MEI1: variants seen among roughly 807,000 people sequenced by gnomAD.
MEI1 encodes the protein meiosis inhibitor protein 1.
Under a neutral mutation model 146.2 loss-of-function variants are expected in MEI1, and 103 were observed. That is an observed-to-expected ratio of 0.70 (90% CI 0.60 to 0.83). MEI1 has a LOEUF of 0.83. Among genes scored for constraint, MEI1 ranks in the 40% least tolerant of loss-of-function variants. The pLI, the probability that MEI1 is intolerant of heterozygous loss-of-function variation, is 0.00. For synonymous variants in MEI1, 652 were observed against 628.2 expected (o/e 1.04, Z -0.57); for missense variants, 1,529 against 1,533.0 (o/e 1.00, Z 0.04).
At chr22:41,786,503 C>G (rs1020075349) in intron 26 of MEI1, among the ~76,000 whole-genome samples, 2 of 152,246 alleles carry the variant, frequency 1.3e-5, no homozygotes, top group African/African-American at 4.8e-5. Context: ...GCATTCCTCA[C>G]TGTCAGCTTT....
chr22:41,701,971 A>C (rs1028816287), intron 1 of MEI1, among the ~76,000 whole-genome samples: 3 of 152,166 alleles, frequency 2.0e-5, no homozygotes, highest in Admixed American at 2.0e-4. Flanking sequence ...AAACCCAGCT[A>C]AGGAGCTTGA....
chr22:41,718,010 G>A, intron 5 of MEI1, 61 bp from the exon 6 acceptor site: 3 of 1,319,164 alleles, frequency 2.3e-6, no homozygotes, highest in Non-Finnish European at 3.2e-6. Flanking sequence ...ATAGATTGGA[G>A]TTTCATATAG....
chr22:41,780,428 C>T (rs1245225515), intron 22 of MEI1, among the ~76,000 whole-genome samples: 1 of 151,748 alleles, frequency 6.6e-6, no homozygotes, highest in African/African-American at 2.4e-5. Context: ...AGTGGGAGTT[C>T]CCAAGAGTAA....
intron 13 of MEI1, 46 bp downstream of exon 13, chr22:41,745,110 G>A (rs747388714): frequency 2.0e-5 from 27 of 1,342,572 alleles, no homozygotes; most frequent in East Asian, 1.9e-4. Flanking sequence ...GAAGGTAGGG[G>A]TGGAAGGGAT....
intron 30 of MEI1, among the ~76,000 whole-genome samples, chr22:41,796,996 T>G (rs1358787977): frequency 2.0e-5 from 3 of 152,172 alleles, no homozygotes; most frequent in Admixed American, 6.5e-5. Context: ...TTTTTTACAT[T>G]CTTTTTATTT....
At chr22:41,712,469 TCG>T (rs2147297503) in intron 3 of MEI1, among the ~76,000 whole-genome samples, 1 of 151,820 alleles carries the variant, frequency 6.6e-6, no homozygotes, top group East Asian at 2.0e-4. Flanking sequence ...TCTCCTGACC[TCG>T]TGATCCACCC....
At chr22:41,748,005 C>T (rs1303461928) in intron 14 of MEI1, 102 bp from the exon 15 acceptor site, 2 of 758,074 alleles carry the variant, frequency 2.6e-6, no homozygotes, top group Non-Finnish European at 4.5e-6. Flanking sequence ...TTGTGTCTTT[C>T]AAGTGAAAGG....
chr22:41,780,349 A>T (rs375092314), intron 22 of MEI1, among the ~76,000 whole-genome samples: 160 of 152,226 alleles, frequency 1.1e-3, no homozygotes, highest in African/African-American at 3.6e-3. Flanking sequence ...TCAGGGTGTG[A>T]TGTGGCTGCC....
intron 7 of MEI1, among the ~76,000 whole-genome samples, chr22:41,727,138 C>A (rs1197795527): frequency 2.6e-5 from 4 of 151,880 alleles, no homozygotes; most frequent in South Asian, 2.1e-4. Context: ...ACTTGTAAGT[C>A]CAATATGGCT....
At chr22:41,773,956 A>G (rs74492564) in intron 20 of MEI1, among the ~76,000 whole-genome samples, 1,587 of 152,314 alleles carry the variant, frequency 0.01, 27 homozygotes, top group African/African-American at 0.037. Flanking sequence ...ATTTCTCCCC[A>G]GCTTCTAGCC....
chr22:41,713,224 G>T (rs1411991109), intron 3 of MEI1, among the ~76,000 whole-genome samples: 1 of 152,196 alleles, frequency 6.6e-6, no homozygotes, highest in Non-Finnish European at 1.5e-5. Context: ...TATTATCCCA[G>T]CACTTTGGGA....
chr22:41,767,576 C>T (rs768798115), intron 19 of MEI1: 35 of 455,834 alleles, frequency 7.7e-5, no homozygotes, highest in Middle Eastern at 6.5e-4. Flanking sequence ...TCCTTTTCAG[C>T]AACTTCATTG....
chr22:41,795,596 A>G lies in MEI1; in HGVS notation c.3666+54A>G, dbSNP rs952266857. On this transcript the variant is annotated intron_variant, in intron 29 of 30. Transcript: ENST00000401548. The surrounding 1 kb of genome is among the most constrained non-coding windows in gnomAD (Gnocchi z 4.2). ...ACTGTAAAGCTAGACCCTCAACACC[A>G]TCTTCTCTTGGAGGGTGGGAGCTCT... The G allele has an allele frequency of 4.3e-6, 7 of 1,610,026 alleles. No individual in the cohort carries two copies. Among genetic ancestry groups the G allele is most frequent in the South Asian group, 3.3e-5 (3 of 90,786 alleles).
chr22:41,712,437 G>A (rs1346520448), intron 3 of MEI1, among the ~76,000 whole-genome samples: 2 of 151,120 alleles, frequency 1.3e-5, no homozygotes, highest in East Asian at 2.0e-4. Flanking sequence ...GGGTTTCACC[G>A]TGTTAGCCAG....
At chr22:41,771,439 G>A (rs2075177143) in intron 20 of MEI1, among the ~76,000 whole-genome samples, 1 of 152,074 alleles carries the variant, frequency 6.6e-6, no homozygotes, top group East Asian at 1.9e-4. Context: ...AGATGCCCCA[G>A]TACTTTTTTT....
intron 11 of MEI1, among the ~76,000 whole-genome samples, chr22:41,737,732 C>T (rs1224707447): frequency 1.3e-5 from 2 of 152,002 alleles, no homozygotes; most frequent in South Asian, 2.1e-4. Context: ...TACCCCGCCT[C>T]CCCCCACTAA....
intron 30 of MEI1, among the ~76,000 whole-genome samples, chr22:41,796,539 A>C (rs2076364632): frequency 6.6e-6 from 1 of 152,132 alleles, no homozygotes; most frequent in African/African-American, 2.4e-5. Context: ...GTGTTAAGGT[A>C]CTTGTAGTAC....
intron 20 of MEI1, chr22:41,774,433 T>G (rs1009033069): frequency 6.6e-6 from 1 of 152,244 alleles, no homozygotes; most frequent in Non-Finnish European, 1.5e-5. Flanking sequence ...CTGGGATCTA[T>G]GACCTTGGGC....
At chr22:41,774,684 C>T (rs1602087205) in intron 20 of MEI1, among the ~76,000 whole-genome samples, 1 of 152,174 alleles carries the variant, frequency 6.6e-6, no homozygotes, top group African/African-American at 2.4e-5. Flanking sequence ...AACTGATTAA[C>T]CTGCCCCAGT....
Sources: allele counts gnomAD v4.1 joint callset (sites outside exome capture counted in the v4.1 genomes callset), GRCh38; gene constraint gnomAD v4.1.1; non-coding constraint Gnocchi (gnomAD v3.1); transcripts MANE v1.5; gene names NCBI Gene and HGNC (gene_info 2026-07-23, HGNC 2026-07-21).